RELN: variants seen among roughly 807,000 people sequenced by gnomAD.
RELN encodes the protein reelin.
RELN carries 108 observed loss-of-function variants against 427.6 expected under a neutral mutation model. The observed-to-expected ratio is 0.25, with a 90% CI of 0.22 to 0.30. The LOEUF (loss-of-function observed/expected upper bound fraction) is 0.30. RELN is among the 10% of genes least tolerant of loss of function. The pLI, the probability that RELN is intolerant of heterozygous loss-of-function variation, is 1.00. For missense variants in RELN, 3,715 were observed against 4,302.8 expected (o/e 0.86, Z 3.82); for synonymous variants, 1,524 against 1,513.4 (o/e 1.01, Z -0.16).
chr7:103,784,389 A>G (rs1791966488), intron 3 of RELN, among the ~76,000 whole-genome samples: 1 of 152,172 alleles, frequency 6.6e-6, no homozygotes, highest in Non-Finnish European at 1.5e-5. Context: ...AAGAGGTGAA[A>G]TCCTCAGAGC....
At chr7:103,853,865 T>C (rs1049710274) in intron 2 of RELN, among the ~76,000 whole-genome samples, 1 of 152,020 alleles carries the variant, frequency 6.6e-6, no homozygotes, top group Admixed American at 6.6e-5. Flanking sequence ...GGCTACCAAA[T>C]ACAAAGTTAC....
chr7:103,791,450 T>G (rs1454267134), intron 3 of RELN, among the ~76,000 whole-genome samples: 1 of 152,216 alleles, frequency 6.6e-6, no homozygotes, highest in African/African-American at 2.4e-5. Flanking sequence ...CTTTTACATT[T>G]ATGGTTAATT....
intron 2 of RELN, among the ~76,000 whole-genome samples, chr7:103,893,801 A>T (rs1794899823): frequency 6.6e-6 from 1 of 152,186 alleles, no homozygotes; most frequent in Admixed American, 6.6e-5. Context: ...CATTAACTGC[A>T]GAACAGCACA....
At chr7:103,918,406 GA>G (rs1173273692) in intron 1 of RELN, among the ~76,000 whole-genome samples, 1 of 152,106 alleles carries the variant, frequency 6.6e-6, no homozygotes, top group Non-Finnish European at 1.5e-5. Context: ...TACAAAAGAA[GA>G]ATGTGTAGAA....
chr7:103,872,772 G>A (rs1013035358), intron 2 of RELN, among the ~76,000 whole-genome samples: 1 of 149,240 alleles, frequency 6.7e-6, no homozygotes, highest in Non-Finnish European at 1.5e-5. Flanking sequence ...GGTGTGAGAT[G>A]GTATCTCATA....
chr7:103,911,946 T>G (rs1419581836), intron 2 of RELN, among the ~76,000 whole-genome samples: 1 of 150,718 alleles, frequency 6.6e-6, no homozygotes, highest in Non-Finnish European at 1.5e-5. Context: ...ATGGCACATG[T>G]ATACATATGT....
At chr7:103,539,987 T>C (rs1044021851) in intron 44 of RELN, among the ~76,000 whole-genome samples, 2 of 152,218 alleles carry the variant, frequency 1.3e-5, no homozygotes, top group East Asian at 3.8e-4. Context: ...TGTTATGTTG[T>C]TTATTTTTAT....
chr7:103,822,108 T>C (rs920751927), intron 3 of RELN, among the ~76,000 whole-genome samples: 1 of 152,060 alleles, frequency 6.6e-6, no homozygotes, highest in African/African-American at 2.4e-5. Flanking sequence ...AAATAGGTTA[T>C]CTTATAATTC....
rs1255610194 is a variant in RELN at position 103,498,180 on chromosome 7, T to C, written c.8740A>G (p.Thr2914Ala). Reference protein sequence around the residue: ...DLWMSLEGGSTCTECGILAED... With the variant: ...DLWMSLEGGSACTECGILAED... ...GCAAGAATTCCACACTCAGTGCAAG[T>C]ACTTCCACCTTCTAAGGACATCCAT... Residue 2914 changes from threonine (T) to alanine (A), a missense_variant, in exon 54 of 65, where the codon ACT becomes GCT. Coordinates refer to ENST00000428762, the MANE Select transcript of RELN (RefSeq NM_005045.4). 2 of 1,614,014 alleles carry C rather than the reference T, an allele frequency of 1.2e-6. No homozygotes were observed. Among genetic ancestry groups the C allele is most frequent in the Non-Finnish European group, 1.7e-6 (2 of 1,179,864 alleles).
At chr7:103,835,991 C>T (rs367586204) in intron 2 of RELN, among the ~76,000 whole-genome samples, 8 of 149,764 alleles carry the variant, frequency 5.3e-5, no homozygotes, top group East Asian at 2.0e-4. Flanking sequence ...AGTCTCACTC[C>T]GTCACCCAGG....
At chr7:103,736,411 C>T (rs1276800269) in intron 6 of RELN, among the ~76,000 whole-genome samples, 1 of 152,134 alleles carries the variant, frequency 6.6e-6, no homozygotes, top group East Asian at 1.9e-4. Context: ...TTGTATAAGA[C>T]TGAGAATATT....
At chr7:103,919,381 G>A (rs1211023238) in intron 1 of RELN, among the ~76,000 whole-genome samples, 2 of 152,004 alleles carry the variant, frequency 1.3e-5, no homozygotes, top group Non-Finnish European at 2.9e-5. Context: ...CAGTATAAAG[G>A]AGCATACTGA....
intron 1 of RELN, among the ~76,000 whole-genome samples, chr7:103,950,683 TTTTAGA>T (rs1300813185): frequency 2.0e-5 from 3 of 152,194 alleles, no homozygotes; most frequent in Admixed American, 2.0e-4. Context: ...ATTCTAAATC[TTTTAGA>T]TTTAATTTCA....
chr7:103,730,188 A>T (rs1196736910), intron 6 of RELN, among the ~76,000 whole-genome samples: 1 of 152,134 alleles, frequency 6.6e-6, no homozygotes, highest in East Asian at 1.9e-4. Context: ...CTAAACTAAA[A>T]GTGTCACTGT....
chr7:103,628,933 TG>T (rs1832389529), intron 20 of RELN, among the ~76,000 whole-genome samples: 1 of 152,186 alleles, frequency 6.6e-6, no homozygotes, highest in Non-Finnish European at 1.5e-5. Flanking sequence ...GCACATCTCT[TG>T]GTTTCCTTGA....
intron 8 of RELN, among the ~76,000 whole-genome samples, chr7:103,715,391 C>T (rs1789912387): frequency 1.3e-5 from 2 of 152,164 alleles, no homozygotes; most frequent in South Asian, 2.1e-4. Context: ...CTTCCACTTT[C>T]TGTTTTATAT....
intron 9 of RELN, 129 bp from the exon 10 acceptor site, chr7:103,698,222 CA>C: frequency 8.8e-7 from 1 of 1,135,600 alleles, no homozygotes; most frequent in Non-Finnish European, 1.3e-6. Context: ...AAAATAGCTA[CA>C]ATCTCATAGC....
intron 31 of RELN, among the ~76,000 whole-genome samples, chr7:103,567,786 A>G (rs1830792562): frequency 1.3e-5 from 2 of 148,822 alleles, no homozygotes; most frequent in Non-Finnish European, 3.0e-5. Flanking sequence ...TATTATATAT[A>G]TATTTTATAT....
At chr7:103,560,129 T>G (rs558317165) in intron 36 of RELN, among the ~76,000 whole-genome samples, 1 of 152,352 alleles carries the variant, frequency 6.6e-6, no homozygotes, top group South Asian at 2.1e-4. Flanking sequence ...CTGCCACATA[T>G]ATTCTAGTTC....
Sources: allele counts gnomAD v4.1 joint callset (sites outside exome capture counted in the v4.1 genomes callset), GRCh38; gene constraint gnomAD v4.1.1; transcripts MANE v1.5; gene names NCBI Gene and HGNC (gene_info 2026-07-23, HGNC 2026-07-21).